Variants in AURKA observed in about 807,000 individuals in gnomAD.
AURKA encodes the protein aurora 2.
A neutral mutation model predicts 40.9 loss-of-function variants in AURKA; 12 were observed. That is an observed-to-expected ratio of 0.29 (90% CI 0.19 to 0.48). The LOEUF is 0.48. Ranked by LOEUF, AURKA falls within the 20% of genes least tolerant of loss-of-function variation. The probability of loss-of-function intolerance (pLI) is 0.99; values close to 1 mark genes in which losing one functional copy is unlikely to be tolerated. For missense variants in AURKA, 322 were observed against 462.1 expected, an observed-to-expected ratio of 0.70 and a Z score of 2.78; for synonymous variants, 170 against 164.3, an observed-to-expected ratio of 1.03 and a Z score of -0.26.
rs1315333827 is a variant in AURKA, at chr20:56,386,461, C to T, written c.115G>A (p.Val39Ile). 18 of 1,614,204 alleles carry T rather than the reference C, an allele frequency of 1.1e-5. No homozygotes were observed. The highest frequency in any genetic ancestry group is 1.4e-5 in the Non-Finnish European group (16 of 1,180,018). ...QQFPCQNPLP[V>I]NSGQAQRVLC... ...ACCCGCTGAGCCTGGCCACTATTTA[C>T]AGGTAATGGATTCTGACAAGGAAAT... Residue 39 changes from valine (V) to isoleucine (I), a missense_variant, in exon 3 of 9, where the codon GTA (valine) becomes ATA (isoleucine). Physicochemically the swap from Val to Ile is conservative, Grantham distance 29 (BLOSUM62 3). Coordinates refer to ENST00000395915, the MANE Select transcript of AURKA (RefSeq NM_198437.3).
Position 56,389,847 on chromosome 20 carries a change from C to T in AURKA, c.-5-1645G>A, listed in dbSNP as rs535471609. Among the ~76,000 whole-genome samples, 220 of 152,324 alleles carry T rather than the reference C, an allele frequency of 1.4e-3. 1 individual carries two copies. The highest frequency in any genetic ancestry group is 1.9e-3 in the Non-Finnish European group (130 of 68,018). Reference sequence around the variant, plus strand: ...GCAAACCCTTCATTTAATCCACCAGCATATTCTGTAGGCTCTGCCTTCAAG... The same window carrying T: ...GCAAACCCTTCATTTAATCCACCAGTATATTCTGTAGGCTCTGCCTTCAAG... On this transcript the variant is annotated intron_variant, in intron 1 of 8. Coordinates refer to ENST00000395915, the MANE Select transcript of AURKA (RefSeq NM_198437.3).
intron 2 of AURKA, 62 bp from the exon 3 acceptor site, chr20:56,386,595 G>C: frequency 6.3e-7 from 1 of 1,589,894 alleles, no homozygotes; most frequent in East Asian, 2.2e-5. Flanking sequence ...AATATATTGA[G>C]AATTTCACAA....
intron 6 of AURKA, among the ~76,000 whole-genome samples, chr20:56,374,868 T>C (rs1290730714): frequency 6.6e-6 from 1 of 152,100 alleles, no homozygotes; most frequent in Admixed American, 6.6e-5. Flanking sequence ...ACCAACATGG[T>C]GAAACCCTGT....
At chr20:56,371,452 C>T (rs1464475166) in intron 7 of AURKA, among the ~76,000 whole-genome samples, 1 of 147,154 alleles carries the variant, frequency 6.8e-6, no homozygotes, top group African/African-American at 2.5e-5. Flanking sequence ...CAGAGCGAGA[C>T]TCTGTCTCAA....
At chr20:56,378,783 T>C (rs931198594) in intron 6 of AURKA, among the ~76,000 whole-genome samples, 1 of 152,142 alleles carries the variant, frequency 6.6e-6, no homozygotes, top group South Asian at 2.1e-4. Flanking sequence ...GAAGCCCACC[T>C]AAAAAAGCTA....
intron 4 of AURKA, among the ~76,000 whole-genome samples, chr20:56,383,441 C>A (rs1418954370): frequency 2.6e-5 from 4 of 152,182 alleles, no homozygotes; most frequent in African/African-American, 4.8e-5. Flanking sequence ...GGAAATGTCC[C>A]AAGCCCGTAC....
rs1984595237 is a variant in AURKA, at chr20:56,373,956, A to G, written c.706-400T>C. 6.6e-6 allele frequency among the ~76,000 whole-genome samples: 1 copy of G among 152,200 alleles called. No individual in the cohort carries two copies. Among genetic ancestry groups the G allele is most frequent in the African/African-American group, 2.4e-5 (1 of 41,444 alleles). On this transcript the variant is annotated intron_variant, in intron 6 of 8. Transcript: ENST00000395915. This position sits in a 1 kb window ranked among gnomAD's most constrained non-coding sequence, Gnocchi z 5.0. The stretch of plus-strand genomic sequence containing the variant: ...GACCCTGTCTCAAAAAGGAAAAGAC[A>G]AAACAAAAAATACATTTTGCAGGTT...
At chr20:56,386,654 G>A in intron 2 of AURKA, 121 bp from the exon 3 acceptor site, 1 of 1,141,700 alleles carries the variant, frequency 8.8e-7, no homozygotes, top group Non-Finnish European at 1.3e-6. Context: ...GATAAGAGAT[G>A]GAAGGTGAAA....
At chr20:56,376,793 T>C (rs986761120) in intron 6 of AURKA, among the ~76,000 whole-genome samples, 4 of 152,142 alleles carry the variant, frequency 2.6e-5, no homozygotes, top group Non-Finnish European at 5.9e-5. Flanking sequence ...AAATACAGCC[T>C]GGGAGGCCGG....
chr20:56,385,332 T>C (rs528604569), intron 3 of AURKA, among the ~76,000 whole-genome samples: 1 of 152,294 alleles, frequency 6.6e-6, no homozygotes, highest in South Asian at 2.1e-4. Context: ...CACTCAACAG[T>C]TGGTAAATAA....
chr20:56,387,746 GA>G (rs1287915715), intron 2 of AURKA, among the ~76,000 whole-genome samples: 2 of 152,132 alleles, frequency 1.3e-5, no homozygotes, highest in Non-Finnish European at 2.9e-5. Flanking sequence ...TTCAGACAAA[GA>G]CAAATAAAAA....
Position 56,370,173 on chromosome 20 carries a change from A to G in AURKA, c.1197T>C (p.Ala399=), listed in dbSNP as rs1983923909. ...TGCACGATTCCTAAGACTGTTTGCT[A>G]GCTGATTCTTTGTTTTGGCAATTTG... ...KPSNCQNKES[A]SKQS Residue 399 remains alanine (A), a synonymous_variant, in exon 9 of 9, where the codon GCT becomes GCC. Transcript: ENST00000395915. 1 of 1,612,614 alleles carries G rather than the reference A, an allele frequency of 6.2e-7. No homozygotes were observed. The highest frequency in any genetic ancestry group is 1.3e-5 in the African/African-American group (1 of 74,880).
chr20:56,370,351 AC>A lies in AURKA; in HGVS notation c.1030-12del. On this transcript the variant is annotated splice_polypyrimidine_tract_variant and intron_variant, in intron 8 of 8. Coordinates refer to ENST00000395915, the MANE Select transcript of AURKA (RefSeq NM_198437.3). The stretch of plus-strand genomic sequence containing the variant: ...GAATGTGAATTCAACCTGGAGTACA[AC>A]AAATGATAAAATATCACAAAACACA... The A allele has an allele frequency of 1.2e-6, 2 of 1,614,244 alleles. No homozygotes were observed. Among genetic ancestry groups the A allele is most frequent in the Non-Finnish European group, 1.7e-6 (2 of 1,180,024 alleles).
In AURKA at chr20:56,379,954, T is replaced by G. The variant is rs1214855682; in HGVS notation, c.705+1479A>C. Among the ~76,000 whole-genome samples, 4 of 129,480 alleles carry G rather than the reference T, an allele frequency of 3.1e-5. No individual in the cohort carries two copies. The East Asian group carries it at 7.0e-4, about 23-fold the overall frequency. 84.9% of individuals were successfully genotyped at this position (129,480 alleles called of 152,430 possible). On this transcript the variant is annotated intron_variant, in intron 6 of 8. Coordinates refer to ENST00000395915, the MANE Select transcript of AURKA (RefSeq NM_198437.3). Reference sequence around the variant, plus strand: ...CTCCAGCCTGGGCGACAGAGTGAGATTCCATCTCAAAAAAAGAAAAAAAAA... The same window carrying G: ...CTCCAGCCTGGGCGACAGAGTGAGAGTCCATCTCAAAAAAAGAAAAAAAAA...
intron 6 of AURKA, among the ~76,000 whole-genome samples, chr20:56,378,238 C>T (rs964026399): frequency 3.3e-5 from 5 of 152,094 alleles, no homozygotes; most frequent in Non-Finnish European, 5.9e-5. Flanking sequence ...TCATTGGTTC[C>T]GATACCACAT....
In AURKA at chr20:56,383,203, T is replaced by C; in HGVS notation, c.375-27A>G. ...TAGGAGGAATTTGAACACTTTAGAA[T>C]GTGAAGAAAACAAAGCTTTTCTAAC... On this transcript the variant is annotated intron_variant, in intron 4 of 8. Transcript: ENST00000395915. 3 of 1,612,676 alleles carry C rather than the reference T, an allele frequency of 1.9e-6. No individual in the cohort carries two copies. In the South Asian group the frequency reaches 3.3e-5, roughly 18 times the overall value.
chr20:56,380,479 A>C (rs1429542423), intron 6 of AURKA, among the ~76,000 whole-genome samples: 1 of 152,186 alleles, frequency 6.6e-6, no homozygotes, highest in Non-Finnish European at 1.5e-5. Flanking sequence ...AGGAGTCTAC[A>C]TCTTTAAATA....
Position 56,369,736 on chromosome 20 carries a change from G to T in AURKA, c.*422C>A. On this transcript the variant is annotated 3_prime_UTR_variant, in exon 9 of 9. Transcript: ENST00000395915. ...CATTCCAACAGCTTTACCAGGCTTC[G>T]CCAACCCAATAAGTTACACACTCAC... 1 of 362,896 alleles carries T rather than the reference G, an allele frequency of 2.8e-6. No individual in the cohort carries two copies. Among genetic ancestry groups the T allele is most frequent in the Non-Finnish European group, 5.2e-6 (1 of 193,672 alleles). The allele number at this position is 362,896 out of a possible 1,614,324, so 22.5% of individuals were successfully genotyped here. A position where few individuals can be genotyped will look rare whatever the true frequency, so the allele number is the denominator to read the frequency against.
intron 7 of AURKA, among the ~76,000 whole-genome samples, chr20:56,372,089 A>G (rs569321422): frequency 1.3e-5 from 2 of 152,320 alleles, no homozygotes; most frequent in East Asian, 3.9e-4. Context: ...AGCAGACAGC[A>G]AGCCAGAACA....
Sources: allele counts gnomAD v4.1 joint callset (sites outside exome capture counted in the v4.1 genomes callset), GRCh38; gene constraint gnomAD v4.1.1; non-coding constraint Gnocchi (gnomAD v3.1); transcripts MANE v1.5; gene names NCBI Gene and HGNC (gene_info 2026-07-23, HGNC 2026-07-21).